Variants in ADAMTS20 observed in about 807,000 individuals in gnomAD.
ADAMTS20 encodes the protein ADAM metallopeptidase with thrombospondin type 1 motif 20.
ADAMTS20 carries 225 observed loss-of-function variants against 260.1 expected under a neutral mutation model. That is an observed-to-expected ratio of 0.87 (90% CI 0.78 to 0.97). ADAMTS20 has a LOEUF of 0.97. ADAMTS20 is among the 50% of genes least tolerant of loss of function. The pLI is 0.00. For missense variants in ADAMTS20, 2,400 were observed against 2,337.7 expected (o/e 1.03, Z -0.55); for synonymous variants, 802 against 769.5 (o/e 1.04, Z -0.70).
intron 28 of ADAMTS20, among the ~76,000 whole-genome samples, chr12:43,406,297 T>A (rs576779527): frequency 8.5e-5 from 13 of 152,300 alleles, no homozygotes; most frequent in African/African-American, 2.9e-4. Context: ...GAGTATGTAT[T>A]ATTTATCCTG....
intron 16 of ADAMTS20, among the ~76,000 whole-genome samples, chr12:43,442,768 T>C (rs1592071553): frequency 6.6e-6 from 1 of 152,244 alleles, no homozygotes; most frequent in Admixed American, 6.5e-5. Flanking sequence ...ACTATTTATG[T>C]TTGATTTTAA....
intron 28 of ADAMTS20, among the ~76,000 whole-genome samples, chr12:43,407,207 C>T (rs1592052405): frequency 6.6e-6 from 1 of 151,858 alleles, no homozygotes; most frequent in Non-Finnish European, 1.5e-5. Flanking sequence ...TAGCTCCAGA[C>T]ATTTAAAAAT....
rs534513231 is a variant in ADAMTS20, at chr12:43,532,171, C to T, written c.478G>A (p.Gly160Ser). The T allele has an allele frequency of 1.7e-5, 27 of 1,604,660 alleles. No individual in the cohort carries two copies. In the East Asian group the frequency reaches 2.5e-4, roughly 15 times the overall value. ...ATTATAGGTTCTAAGAAATATTCAC[C>T]GTTCTGTCCTTTAAATGTTCCCGTC... ...GLTGTFKGQN[G>S]EYFLEPIMKA... Residue 160 changes from glycine (G) to serine (S), a missense_variant, in exon 3 of 39, where the codon GGT (glycine) becomes AGT (serine). Coordinates refer to ENST00000389420, the MANE Select transcript of ADAMTS20 (RefSeq NM_025003.5).
intron 2 of ADAMTS20, among the ~76,000 whole-genome samples, chr12:43,535,122 C>T (rs1056196362): frequency 2.0e-5 from 3 of 152,090 alleles, no homozygotes; most frequent in Non-Finnish European, 2.9e-5. Context: ...ATTTCTTTAG[C>T]ACATTTATCA....
chr12:43,479,241 A>C (rs930548632), intron 7 of ADAMTS20, among the ~76,000 whole-genome samples: 2 of 152,244 alleles, frequency 1.3e-5, no homozygotes, highest in Admixed American at 6.5e-5. Flanking sequence ...TAGACGAGGT[A>C]ACTAATTGTA....
rs1390000 is a variant in ADAMTS20, at chr12:43,369,431, G to A, written c.5447-50C>T. ...TTAGCATGGAGACAATAATGCAATCGTTGTTGTCAAACACAGAGTTTTCTT... is the reference window on the plus strand; with the variant it reads ...TTAGCATGGAGACAATAATGCAATCATTGTTGTCAAACACAGAGTTTTCTT... On this transcript the variant is annotated intron_variant, in intron 36 of 38. Transcript: ENST00000389420. 2.8e-4 allele frequency: 305 copies of A among 1,080,122 alleles called. 3 individuals are homozygous for A. Among genetic ancestry groups the A allele is most frequent in the African/African-American group, 2.7e-3 (164 of 60,140 alleles). The allele number at this position is 1,080,122 out of a possible 1,614,324, so 66.9% of individuals were successfully genotyped here.
intron 37 of ADAMTS20, 104 bp from the exon 38 acceptor site, chr12:43,356,692 A>G: frequency 1.4e-6 from 1 of 726,704 alleles, no homozygotes; most frequent in Non-Finnish European, 2.3e-6. Context: ...ATACTATATA[A>G]TGTTATTTGT....
chr12:43,439,962 C>A lies in ADAMTS20; in HGVS notation c.2398G>T (p.Gly800Ter). Residue 800 changes from glycine (G) to a stop codon, truncating the protein, a stop_gained, in exon 17 of 39, where the codon GGA (glycine) becomes TGA (stop). Coordinates refer to ENST00000389420, the MANE Select transcript of ADAMTS20 (RefSeq NM_025003.5). LOFTEE classifies it high-confidence loss of function. ...ATTCTTTCAACTGCGTTATTTGATC[C>A]ACTGTATTCAATAACAGTTCTTGTT... ...QGTRTVIEYSGSNNAVERINS... is the reference protein window; with the variant it reads ...QGTRTVIEYS The A allele has an allele frequency of 6.2e-7, 1 of 1,600,920 alleles. No individual in the cohort carries two copies. Among genetic ancestry groups the A allele is most frequent in the Non-Finnish European group, 8.5e-7 (1 of 1,172,432 alleles).
In ADAMTS20 at chr12:43,443,774, T is replaced by C. The variant is rs909622891; in HGVS notation, c.2290+17A>G. The C allele has an allele frequency of 6.2e-7, 1 of 1,603,482 alleles. No homozygotes were observed. The highest frequency in any genetic ancestry group is 1.7e-5 in the Admixed American group (1 of 59,944). On this transcript the variant is annotated intron_variant, in intron 16 of 38. Coordinates refer to ENST00000389420, the MANE Select transcript of ADAMTS20 (RefSeq NM_025003.5). ...ACATAAGCCACATACTGGCTGTTGTTTACGAGAAATGTTTACCAAGGTAAC... is the reference window on the plus strand; with the variant it reads ...ACATAAGCCACATACTGGCTGTTGTCTACGAGAAATGTTTACCAAGGTAAC...
chr12:43,413,034 C>A (rs1412778256), intron 28 of ADAMTS20, among the ~76,000 whole-genome samples: 9 of 151,996 alleles, frequency 5.9e-5, no homozygotes, highest in African/African-American at 2.2e-4. Flanking sequence ...AGGTCTCGAT[C>A]TTCTGACCTC....
At chr12:43,495,933 TTAACTA>T (rs1241213831) in intron 4 of ADAMTS20, among the ~76,000 whole-genome samples, 1 of 152,180 alleles carries the variant, frequency 6.6e-6, no homozygotes, top group Non-Finnish European at 1.5e-5. Context: ...ACGTATACCT[TTAACTA>T]TATTTAGATG....
chr12:43,524,594 C>T (rs965593971), intron 3 of ADAMTS20, among the ~76,000 whole-genome samples: 2 of 151,702 alleles, frequency 1.3e-5, no homozygotes, highest in East Asian at 3.9e-4. Context: ...TAAAAACTAA[C>T]ATAAAGAAAT....
chr12:43,427,162 G>T lies in ADAMTS20; in HGVS notation c.4107+146C>A, dbSNP rs1046491300. Reference sequence around the variant, plus strand: ...CATTCCAGCCTGGGCAACAGAGTGAGACCCTGTCTCCAAAAACAAAAAAAA... The same window carrying T: ...CATTCCAGCCTGGGCAACAGAGTGATACCCTGTCTCCAAAAACAAAAAAAA... On this transcript the variant is annotated intron_variant, in intron 27 of 38. Transcript: ENST00000389420. 6 of 840,978 alleles carry T rather than the reference G, an allele frequency of 7.1e-6. No individual in the cohort carries two copies. The African/African-American group carries it at 1.1e-4, about 15-fold the overall frequency. The allele number at this position is 840,978 out of a possible 1,614,324, so 52.1% of individuals were successfully genotyped here.
At chr12:43,503,598 T>A (rs747335975) in intron 3 of ADAMTS20, among the ~76,000 whole-genome samples, 9 of 152,120 alleles carry the variant, frequency 5.9e-5, no homozygotes, top group Non-Finnish European at 1.3e-4. Context: ...CAGGCGTACA[T>A]GTGCAGGTTT....
chr12:43,511,482 G>T (rs556784373), intron 3 of ADAMTS20, among the ~76,000 whole-genome samples: 1 of 151,966 alleles, frequency 6.6e-6, no homozygotes, highest in Non-Finnish European at 1.5e-5. Flanking sequence ...GTAAATGTTC[G>T]TGGAAAGAAA....
chr12:43,491,008 T>C (rs553851375), intron 6 of ADAMTS20, among the ~76,000 whole-genome samples: 41 of 152,158 alleles, frequency 2.7e-4, no homozygotes, highest in Admixed American at 1.0e-3. Flanking sequence ...ATATATAACA[T>C]AATACTATGT....
chr12:43,384,080 TG>T, intron 29 of ADAMTS20, 103 bp from the exon 30 acceptor site: 2 of 1,069,476 alleles, frequency 1.9e-6, no homozygotes, highest in Non-Finnish European at 2.6e-6. Context: ...AAATACAGCC[TG>T]GTATTAAAAC....
intron 7 of ADAMTS20, among the ~76,000 whole-genome samples, chr12:43,480,601 C>T (rs1942426872): frequency 6.6e-6 from 1 of 152,066 alleles, no homozygotes; most frequent in Non-Finnish European, 1.5e-5. Context: ...GGTATATATA[C>T]ATAATGGAAC....
At chr12:43,463,044 C>T in intron 10 of ADAMTS20, 45 bp from the exon 11 acceptor site, 1 of 1,319,318 alleles carries the variant, frequency 7.6e-7, no homozygotes, top group Non-Finnish European at 1.1e-6. Flanking sequence ...AAGATAACAC[C>T]ACAACACTGG....
Sources: gnomAD v4.1 joint callset for allele counts (sites outside exome capture counted in the v4.1 genomes callset) on GRCh38, gnomAD v4.1.1 for gene constraint, MANE v1.5 for transcripts, NCBI Gene and HGNC (gene_info 2026-07-23, HGNC 2026-07-21) for gene names.